PRELID2: variants seen among roughly 807,000 people sequenced by gnomAD.
PRELID2 encodes PRELI domain containing 2, also known as PRELI domain-containing protein 2.
In PRELID2, 25 loss-of-function variants were observed where a neutral mutation model predicts 28.4. That is an observed-to-expected ratio of 0.88 (90% CI 0.64 to 1.23). PRELID2 has a LOEUF of 1.23. PRELID2 is among the 50% of genes most tolerant of loss of function. The pLI is 0.00. For synonymous variants in PRELID2, 76 were observed against 71.6 expected (o/e 1.06, Z -0.31); for missense variants, 201 against 214.4 (o/e 0.94, Z 0.39).
the PRELID2 span, among the ~76,000 whole-genome samples, chr5:145,250,377 CAG>C: frequency 1.3e-5 from 2 of 152,098 alleles, no homozygotes; most frequent in Non-Finnish European, 2.9e-5. Context: ...TGCTAGAATT[CAG>C]AGTTTCTGAC....
At chr5:145,678,229 AT>A (rs1754860161) in intron 1 of PRELID2, among the ~76,000 whole-genome samples, 1 of 152,238 alleles carries the variant, frequency 6.6e-6, no homozygotes, top group African/African-American at 2.4e-5. Flanking sequence ...TCGTGAAAGT[AT>A]GAGTAAGATT....
intron 1 of PRELID2, among the ~76,000 whole-genome samples, chr5:145,636,479 A>C (rs1754004006): frequency 6.6e-6 from 1 of 152,226 alleles, no homozygotes; most frequent in South Asian, 2.1e-4. Context: ...TTCTCACTCC[A>C]GGGGCCTTCA....
At chr5:145,427,363 G>A in the PRELID2 span, among the ~76,000 whole-genome samples, 1 of 152,146 alleles carries the variant, frequency 6.6e-6, no homozygotes, top group Non-Finnish European at 1.5e-5. Context: ...TTATTAATCA[G>A]ATTTAAGACT....
chr5:145,375,288 G>T, the PRELID2 span, among the ~76,000 whole-genome samples: 1 of 152,012 alleles, frequency 6.6e-6, no homozygotes, highest in Non-Finnish European at 1.5e-5. Flanking sequence ...CATCTGGTTT[G>T]TACCTGCATC....
chr5:145,699,411 T>C (rs1474453714), intron 1 of PRELID2, among the ~76,000 whole-genome samples: 2 of 151,934 alleles, frequency 1.3e-5, no homozygotes, highest in African/African-American at 4.8e-5. Context: ...CGCACACACA[T>C]CCCAATTTAC....
At chr5:145,559,816 T>A (rs1752911109) in intron 1 of PRELID2, among the ~76,000 whole-genome samples, 2 of 128,666 alleles carry the variant, frequency 1.6e-5, no homozygotes, top group Admixed American at 9.0e-5. Flanking sequence ...ACTGAATATA[T>A]TTTCCTTGGT....
At chr5:145,299,568 G>A in the PRELID2 span, among the ~76,000 whole-genome samples, 3 of 151,410 alleles carry the variant, frequency 2.0e-5, no homozygotes, top group Non-Finnish European at 2.9e-5. Context: ...ACACCTGATC[G>A]TTGCATCCTG....
intron 1 of PRELID2, among the ~76,000 whole-genome samples, chr5:145,531,998 T>C (rs13154992): frequency 2.0e-5 from 3 of 152,290 alleles, no homozygotes; most frequent in Admixed American, 6.5e-5. Context: ...ACAGGAGTGT[T>C]GTAGAAATTA....
At chr5:145,791,418 G>C (rs1348080103) in intron 5 of PRELID2, among the ~76,000 whole-genome samples, 1 of 152,172 alleles carries the variant, frequency 6.6e-6, no homozygotes, top group Non-Finnish European at 1.5e-5. Context: ...TCTGACACAT[G>C]CTACAATGCA....
chr5:145,729,217 A>G, intron 1 of PRELID2: 1 of 813,986 alleles, frequency 1.2e-6, no homozygotes, highest in Non-Finnish European at 2.1e-6. Context: ...GCATGCCAGA[A>G]TGCCCTGAAT....
intron 5 of PRELID2, among the ~76,000 whole-genome samples, chr5:145,772,308 C>G (rs1324648059): frequency 2.6e-5 from 4 of 151,970 alleles, no homozygotes; most frequent in South Asian, 2.1e-4. Context: ...AATCCAGGAC[C>G]CTGAATCTTA....
downstream of PRELID2, among the ~76,000 whole-genome samples, chr5:145,752,250 T>G (rs1021272861): frequency 6.6e-6 from 1 of 152,226 alleles, no homozygotes; most frequent in African/African-American, 2.4e-5. Context: ...ATGGTTCTCA[T>G]AGCACTTGAC....
At chr5:145,796,690 A>C in intron 4 of PRELID2, 143 bp from the exon 5 acceptor site, 1 of 437,970 alleles carries the variant, frequency 2.3e-6, no homozygotes, top group South Asian at 5.1e-5. Flanking sequence ...TATTATAAGA[A>C]GATTTTGTTA....
intron 1 of PRELID2, among the ~76,000 whole-genome samples, chr5:145,606,302 A>C (rs556735057): frequency 7.2e-5 from 11 of 152,186 alleles, no homozygotes; most frequent in African/African-American, 2.6e-4. Flanking sequence ...TTCCAGTCCC[A>C]TGTTGAATAC....
At position 145,551,653 on chromosome 5, in the gene PRELID2, G is replaced by A. The variant is rs75425202; in HGVS notation, n.71-78338C>T. ...CAGTGATTGAAAACATGTTACGAGA[G>A]AAATGATTACCCACTGTATCAGTAA... On this transcript the variant is annotated intron_variant and non_coding_transcript_variant, in intron 1 of 2. Transcript: ENST00000510259. Among the ~76,000 whole-genome samples the A allele has an allele frequency of 1.1e-4, 16 of 152,272 alleles. No individual in the cohort carries two copies. In the East Asian group the frequency reaches 3.1e-3, roughly 29 times the overall value.
At chr5:145,294,850 CT>C in the PRELID2 span, among the ~76,000 whole-genome samples, 5 of 152,114 alleles carry the variant, frequency 3.3e-5, no homozygotes, top group Non-Finnish European at 7.4e-5. Context: ...TACCACTAAA[CT>C]ATACTGGCCT....
the PRELID2 span, among the ~76,000 whole-genome samples, chr5:145,238,096 C>T: frequency 6.6e-6 from 1 of 152,114 alleles, no homozygotes; most frequent in African/African-American, 2.4e-5. Flanking sequence ...GCTAGAGCGC[C>T]ACCTAGAGTT....
the PRELID2 span, chr5:145,450,839 C>T: frequency 1.3e-5 from 2 of 152,092 alleles, no homozygotes; most frequent in South Asian, 4.1e-4. Context: ...AGAGACTTGT[C>T]AAAGGCATAG....
intron 1 of PRELID2, among the ~76,000 whole-genome samples, chr5:145,627,152 G>A (rs1363394151): frequency 1.0e-5 from 1 of 100,324 alleles, no homozygotes; most frequent in Non-Finnish European, 2.0e-5. Flanking sequence ...AAAAATTTGT[G>A]TATATATACC....
Sources: gnomAD v4.1 joint callset for allele counts (sites outside exome capture counted in the v4.1 genomes callset) on GRCh38, gnomAD v4.1.1 for gene constraint, MANE v1.5 for transcripts, NCBI Gene and HGNC (gene_info 2026-07-23, HGNC 2026-07-21) for gene names.